ZMAT4: variants seen among roughly 807,000 people sequenced by gnomAD.
ZMAT4 encodes the protein zinc finger matrin-type protein 4.
Under a neutral mutation model 28.7 loss-of-function variants are expected in ZMAT4, and 17 were observed. The ratio of observed to expected loss-of-function variants is 0.59; its 90% CI spans 0.41 to 0.89. The LOEUF (loss-of-function observed/expected upper bound fraction) is 0.89, where lower values mean the gene tolerates loss of function less well. Among genes scored for constraint, ZMAT4 ranks in the 40% least tolerant of loss-of-function variants. The pLI, the probability that ZMAT4 is intolerant of heterozygous loss-of-function variation, is 0.00. For synonymous variants in ZMAT4, 117 were observed against 109.2 expected, an observed-to-expected ratio of 1.07 and a Z score of -0.44; for missense variants, 240 against 283.8, an observed-to-expected ratio of 0.85 and a Z score of 1.11.
At chr8:40,835,906 T>C (rs1289005689) in intron 1 of ZMAT4, among the ~76,000 whole-genome samples, 1 of 152,214 alleles carries the variant, frequency 6.6e-6, no homozygotes, top group Non-Finnish European at 1.5e-5. Context: ...CTGATTTGTC[T>C]CCTGACCTTC....
intron 1 of ZMAT4, among the ~76,000 whole-genome samples, chr8:40,842,811 T>C (rs1816749341): frequency 6.6e-6 from 1 of 152,212 alleles, no homozygotes; most frequent in African/African-American, 2.4e-5. Flanking sequence ...GTTTCACTCT[T>C]GTTGCCAAGG....
chr8:40,568,100 A>T (rs372706101), intron 6 of ZMAT4, among the ~76,000 whole-genome samples: 3 of 152,180 alleles, frequency 2.0e-5, no homozygotes, highest in East Asian at 3.9e-4. Flanking sequence ...CATCCAGGAA[A>T]ATAGTTTCAT....
rs184624610 is a variant in ZMAT4, at chr8:40,538,498, C to T, written c.675-6260G>A. ...TCAGGACCTCCTGAAGGCTGCATCG[C>T]GGGCCATAGTAACTCATATTTGGCT... On this transcript the variant is annotated intron_variant, in intron 6 of 6. Coordinates refer to ENST00000297737, the MANE Select transcript of ZMAT4 (RefSeq NM_024645.3). Among the ~76,000 whole-genome samples the T allele has an allele frequency of 5.9e-5, 9 of 152,234 alleles. No individual in the cohort carries two copies. The East Asian group carries it at 1.2e-3, about 20-fold the overall frequency.
At chr8:40,728,092 C>T (rs542692358) in intron 3 of ZMAT4, among the ~76,000 whole-genome samples, 1 of 152,030 alleles carries the variant, frequency 6.6e-6, no homozygotes, top group South Asian at 2.1e-4. Context: ...TAAGAGCTGC[C>T]TAAGAATTAC....
intron 6 of ZMAT4, 34 bp from the exon 7 acceptor site, chr8:40,532,272 T>C: frequency 1.3e-6 from 2 of 1,563,352 alleles, no homozygotes; most frequent in East Asian, 2.3e-5. Flanking sequence ...TGTTACCTTC[T>C]TTCATAATTA....
At chr8:40,855,072 A>G (rs1199916396) in intron 1 of ZMAT4, among the ~76,000 whole-genome samples, 1 of 152,162 alleles carries the variant, frequency 6.6e-6, no homozygotes, top group Non-Finnish European at 1.5e-5. Flanking sequence ...CCCACAGCTA[A>G]TTTGAACACA....
chr8:40,813,088 G>A lies in ZMAT4; in HGVS notation c.102+12487C>T, dbSNP rs369376230. 1.5e-4 allele frequency among the ~76,000 whole-genome samples: 23 copies of A among 151,752 alleles called. No homozygotes were observed. In the East Asian group the frequency reaches 3.9e-3, roughly 26 times the overall value. On this transcript the variant is annotated intron_variant, in intron 2 of 6. Transcript: ENST00000297737. ...ATAGCAATGTAAGATGTTAACAATA[G>A]GGGAAACAAAGTATGTCTGGGTACA...
intron 3 of ZMAT4, among the ~76,000 whole-genome samples, chr8:40,740,047 A>G (rs750561479): frequency 6.6e-6 from 1 of 152,106 alleles, no homozygotes; most frequent in Non-Finnish European, 1.5e-5. Flanking sequence ...TCTACCATTG[A>G]TGGGCGTTTG....
At chr8:40,555,692 T>C (rs1197450000) in intron 6 of ZMAT4, among the ~76,000 whole-genome samples, 2 of 152,158 alleles carry the variant, frequency 1.3e-5, no homozygotes, top group Admixed American at 1.3e-4. Context: ...CTACTCCTCT[T>C]GTGACTGATC....
intron 3 of ZMAT4, among the ~76,000 whole-genome samples, chr8:40,761,815 TATCATGCACCTTCACA>T (rs1265031711): frequency 6.6e-6 from 1 of 152,210 alleles, no homozygotes. Context: ...CTTTACAATT[TATCATGCACCTTCACA>T]AACATGACTT....
intron 4 of ZMAT4, among the ~76,000 whole-genome samples, chr8:40,688,493 A>T (rs1302968940): frequency 6.6e-6 from 1 of 152,048 alleles, no homozygotes; most frequent in Non-Finnish European, 1.5e-5. Flanking sequence ...ATAAAATAAA[A>T]TAAACTTTGT....
At chr8:40,533,274 G>A (rs890793852) in intron 6 of ZMAT4, among the ~76,000 whole-genome samples, 21 of 152,138 alleles carry the variant, frequency 1.4e-4, no homozygotes, top group African/African-American at 4.8e-4. Flanking sequence ...GTTAAGCAGT[G>A]GAACTTGAAC....
intron 2 of ZMAT4, among the ~76,000 whole-genome samples, chr8:40,774,836 C>G (rs545788160): frequency 1.3e-5 from 2 of 152,058 alleles, no homozygotes; most frequent in African/African-American, 4.8e-5. Flanking sequence ...TTACAAGTGA[C>G]TTTAAGTTTT....
intron 6 of ZMAT4, among the ~76,000 whole-genome samples, chr8:40,541,877 G>C (rs1485068549): frequency 6.6e-6 from 1 of 152,152 alleles, no homozygotes; most frequent in Non-Finnish European, 1.5e-5. Flanking sequence ...ACGTCTCCTG[G>C]GGTACACATT....
At chr8:40,826,876 C>T (rs1816071116) in intron 1 of ZMAT4, among the ~76,000 whole-genome samples, 1 of 152,176 alleles carries the variant, frequency 6.6e-6, no homozygotes, top group Admixed American at 6.5e-5. Flanking sequence ...CCTGGAAACA[C>T]ACCCCAGTGC....
chr8:40,897,394 C>T (rs1328350627), intron 1 of ZMAT4, among the ~76,000 whole-genome samples: 1 of 152,170 alleles, frequency 6.6e-6, no homozygotes, highest in Non-Finnish European at 1.5e-5. Flanking sequence ...ACCCAGCACA[C>T]CCGAATCTCC....
chr8:40,723,542 C>CAAAAA (rs58513087), intron 3 of ZMAT4, among the ~76,000 whole-genome samples: 2,970 of 66,776 alleles, frequency 0.044, 266 homozygotes, highest in Middle Eastern at 0.16. Context: ...GATTCCATCT[C>CAAAAA]AAAAAAAAAA....
At chr8:40,807,493 T>G (rs1001557686) in intron 2 of ZMAT4, among the ~76,000 whole-genome samples, 4 of 152,094 alleles carry the variant, frequency 2.6e-5, no homozygotes, top group African/African-American at 9.7e-5. Context: ...CAAATCTAAG[T>G]GGCTATGGAT....
chr8:40,811,796 G>C (rs1158620254), intron 2 of ZMAT4, among the ~76,000 whole-genome samples: 1 of 152,128 alleles, frequency 6.6e-6, no homozygotes, highest in African/African-American at 2.4e-5. Flanking sequence ...AGCAAGATAA[G>C]AATGAGATTC....
Sources: gnomAD v4.1 joint callset for allele counts (sites outside exome capture counted in the v4.1 genomes callset) on GRCh38, gnomAD v4.1.1 for gene constraint, MANE v1.5 for transcripts, NCBI Gene and HGNC (gene_info 2026-07-23, HGNC 2026-07-21) for gene names.